The following CD47 variants were observed in gnomAD, a reference collection of about 807,000 sequenced individuals.
The protein encoded by CD47 is leukocyte surface antigen CD47.
In CD47, 11 loss-of-function variants were observed where a neutral mutation model predicts 44.6. The observed-to-expected ratio is 0.25, with a 90% CI of 0.16 to 0.41. CD47 has a LOEUF of 0.41. Among genes scored for constraint, CD47 ranks in the 10% least tolerant of loss-of-function variants. The pLI is 1.00. For missense variants in CD47, 306 were observed against 386.7 expected, an observed-to-expected ratio of 0.79 and a Z score of 1.75; for synonymous variants, 140 against 136.3, an observed-to-expected ratio of 1.03 and a Z score of -0.19.
chr3:108,070,141 T>C (rs1047437804), intron 3 of CD47, among the ~76,000 whole-genome samples: 10 of 152,174 alleles, frequency 6.6e-5, no homozygotes, highest in Non-Finnish European at 1.0e-4. Flanking sequence ...ACCATAGATA[T>C]AGACAGCTTA....
intron 3 of CD47, among the ~76,000 whole-genome samples, chr3:108,070,752 AC>A (rs1244085815): frequency 2.6e-5 from 4 of 152,234 alleles, no homozygotes; most frequent in African/African-American, 9.6e-5. Flanking sequence ...GCAGGCTGTC[AC>A]CACCTGTTTA....
chr3:108,049,094 ATCTCTCTCTCTCTCTC>A (rs55708779), intron 10 of CD47, among the ~76,000 whole-genome samples: 2,757 of 129,332 alleles, frequency 0.021, 56 homozygotes, highest in South Asian at 0.032. Flanking sequence ...AGGACGAAAC[ATCTCTCTCTCTCTCTC>A]TCTCTCTCTC....
intron 1 of CD47, among the ~76,000 whole-genome samples, chr3:108,082,604 T>A (rs2079439770): frequency 6.6e-6 from 1 of 151,878 alleles, no homozygotes; most frequent in Non-Finnish European, 1.5e-5. Flanking sequence ...TTTCAAGAGA[T>A]TATTCTTAAA....
rs548701533 is a variant in CD47 at position 108,043,537 on chromosome 3, A to T, written c.*3751T>A. 3.3e-5 allele frequency: 5 copies of T among 152,644 alleles called. No individual in the cohort carries two copies. In the East Asian group the frequency reaches 9.6e-4, roughly 29 times the overall value. 9.5% of individuals were successfully genotyped at this position (152,644 alleles called of 1,614,324 possible). On this transcript the variant is annotated 3_prime_UTR_variant, in exon 11 of 11. Coordinates refer to ENST00000361309, the MANE Select transcript of CD47 (RefSeq NM_001777.4). ...GCTACTGACAAATAGCACACCTTTA[A>T]TTGCTATGCAAAAAAGCTCCAAGAG...
chr3:108,082,723 T>C (rs1321223555), intron 1 of CD47, among the ~76,000 whole-genome samples: 1 of 152,012 alleles, frequency 6.6e-6, no homozygotes, highest in Non-Finnish European at 1.5e-5. Flanking sequence ...TCATAACATA[T>C]GTTTAGAGAA....
chr3:108,087,301 G>A (rs2079540009), intron 1 of CD47, among the ~76,000 whole-genome samples: 2 of 152,042 alleles, frequency 1.3e-5, no homozygotes, highest in South Asian at 4.1e-4. Context: ...GGGGTAGAGT[G>A]GGGTGTCCAC....
intron 1 of CD47, among the ~76,000 whole-genome samples, chr3:108,083,022 C>T (rs1363894614): frequency 6.6e-6 from 1 of 151,838 alleles, no homozygotes; most frequent in East Asian, 1.9e-4. Flanking sequence ...TTCCTTTTGC[C>T]TACTCCCTTC....
intron 8 of CD47, 83 bp downstream of exon 8, chr3:108,051,856 T>G (rs754964347): frequency 5.8e-6 from 6 of 1,030,706 alleles, no homozygotes; most frequent in Non-Finnish European, 9.2e-6. Flanking sequence ...ACAAAACAGA[T>G]AGCAAAATAT....
chr3:108,058,435 G>A lies in CD47; in HGVS notation c.692-6C>T, dbSNP rs146013974. On this transcript the variant is annotated splice_polypyrimidine_tract_variant and splice_region_variant and intron_variant, in intron 5 of 10. Transcript: ENST00000361309. ...GAAGGAGGTTAATCCAATCGCTGGA[G>A]GAAGGAAAAGGATGTAACAGAAGCA... is the stretch of plus-strand genomic sequence containing the variant. 1.3e-3 allele frequency: 2,068 copies of A among 1,534,186 alleles called. 20 individuals are homozygous for A. In the African/African-American group the frequency reaches 0.026, roughly 19 times the overall value.
chr3:108,061,399 T>C (rs986457765), intron 3 of CD47, among the ~76,000 whole-genome samples: 1 of 152,054 alleles, frequency 6.6e-6, no homozygotes, highest in African/African-American at 2.4e-5. Flanking sequence ...TCCTACCTTA[T>C]AAAAAATTAG....
intron 5 of CD47, 106 bp from the exon 6 acceptor site, chr3:108,058,535 G>T: frequency 1.5e-6 from 1 of 647,034 alleles, no homozygotes. Context: ...ACCAAAGACT[G>T]ACTCTGGAGT....
chr3:108,082,871 C>T (rs959546354), intron 1 of CD47, among the ~76,000 whole-genome samples: 1 of 151,942 alleles, frequency 6.6e-6, no homozygotes, highest in Non-Finnish European at 1.5e-5. Context: ...GGATAAACCA[C>T]AATTTGAATA....
rs1422821255 is a variant in CD47 at position 108,045,832 on chromosome 3, T to C, written c.*1456A>G. ...GTGAGCAGTCAAAAAGCGTGGCAAATTACCTAGAAGTTTTAAAAGTTTTAA... is the reference window on the plus strand; with the variant it reads ...GTGAGCAGTCAAAAAGCGTGGCAAACTACCTAGAAGTTTTAAAAGTTTTAA... On this transcript the variant is annotated 3_prime_UTR_variant, in exon 11 of 11. Coordinates refer to ENST00000361309, the MANE Select transcript of CD47 (RefSeq NM_001777.4). The C allele has an allele frequency of 2.0e-5, 3 of 152,162 alleles. No homozygotes were observed. Among genetic ancestry groups the C allele is most frequent in the African/African-American group, 7.2e-5 (3 of 41,438 alleles). The allele number at this position is 152,162 out of a possible 1,614,324, so 9.4% of individuals were successfully genotyped here. A position where few individuals can be genotyped will look rare whatever the true frequency, so the allele number is the denominator to read the frequency against.
intron 7 of CD47, 35 bp from the exon 8 acceptor site, chr3:108,052,005 T>C (rs1040925347): frequency 9.8e-7 from 1 of 1,016,764 alleles, no homozygotes; most frequent in South Asian, 1.4e-5. Flanking sequence ...ATAAATTTAA[T>C]AAATGAAATA....
intron 8 of CD47, chr3:108,050,889 A>T: frequency 2.5e-6 from 1 of 407,662 alleles, no homozygotes; most frequent in Non-Finnish European, 4.8e-6. Flanking sequence ...ACTTCTAAAA[A>T]TATGAAAGTG....
chr3:108,075,689 G>C (rs138940292), intron 2 of CD47, among the ~76,000 whole-genome samples: 1,803 of 152,226 alleles, frequency 0.012, 22 homozygotes, highest in Non-Finnish European at 0.017. Flanking sequence ...GAATGTATTG[G>C]ATTTCATTTT....
At chr3:108,050,797 T>G in intron 8 of CD47, 195 bp from the exon 9 acceptor site, 1 of 501,574 alleles carries the variant, frequency 2.0e-6, no homozygotes. Flanking sequence ...GTTAATAGTT[T>G]AATAATAACT....
chr3:108,054,142 G>C (rs2078875678), intron 7 of CD47: 1 of 152,222 alleles, frequency 6.6e-6, no homozygotes, highest in Admixed American at 6.5e-5. Context: ...CAGCTACTTG[G>C]GAGGCTGAGG....
At position 108,045,978 on chromosome 3, in the gene CD47, C is replaced by T. The variant is rs2078716696; in HGVS notation, c.*1310G>A. ...TGTAGGTACCCCACCTTTGTCCATA[C>T]AGAAGATGCATGTGCCTATCTCATA... On this transcript the variant is annotated 3_prime_UTR_variant, in exon 11 of 11. Transcript: ENST00000361309. The T allele has an allele frequency of 6.6e-6, 1 of 152,192 alleles. No individual in the cohort carries two copies. The highest frequency in any genetic ancestry group is 2.4e-5 in the African/African-American group (1 of 41,434). 9.4% of individuals were successfully genotyped at this position (152,192 alleles called of 1,614,324 possible).
Sources: gnomAD v4.1 joint callset for allele counts (sites outside exome capture counted in the v4.1 genomes callset) on GRCh38, gnomAD v4.1.1 for gene constraint, MANE v1.5 for transcripts, NCBI Gene and HGNC (gene_info 2026-07-23, HGNC 2026-07-21) for gene names.